Variants in SEMA5B observed in about 807,000 individuals in gnomAD.
SEMA5B encodes the protein semaphorin-5B.
In SEMA5B, 66 loss-of-function variants were observed where a neutral mutation model predicts 135.0. The observed-to-expected ratio is 0.49, with a 90% CI of 0.40 to 0.60. The LOEUF (loss-of-function observed/expected upper bound fraction) is 0.60, where lower values mean the gene tolerates loss of function less well. Among genes scored for constraint, SEMA5B ranks in the 20% least tolerant of loss-of-function variants. The pLI is 0.00. For synonymous variants in SEMA5B, 690 were observed against 639.5 expected, an observed-to-expected ratio of 1.08 and a Z score of -1.19; for missense variants, 1,501 against 1,566.3, an observed-to-expected ratio of 0.96 and a Z score of 0.70.
intron 1 of SEMA5B, among the ~76,000 whole-genome samples, chr3:123,018,508 C>T (rs984011798): frequency 6.6e-6 from 1 of 152,224 alleles, no homozygotes; most frequent in East Asian, 1.9e-4. Flanking sequence ...TGGGCAGGGT[C>T]CCCTCTCAAA....
At chr3:122,994,419 C>T (rs890751231) in intron 1 of SEMA5B, among the ~76,000 whole-genome samples, 7 of 152,164 alleles carry the variant, frequency 4.6e-5, no homozygotes, top group African/African-American at 9.7e-5. Context: ...TGGTTCTCAA[C>T]GAGTACAAAA....
intron 1 of SEMA5B, among the ~76,000 whole-genome samples, chr3:122,985,483 G>T (rs1241654083): frequency 6.6e-6 from 1 of 151,444 alleles, no homozygotes; most frequent in Non-Finnish European, 1.5e-5. Context: ...CAGCCTGGGT[G>T]ATACAGTGTC....
At chr3:122,998,283 C>T (rs534595302) in intron 1 of SEMA5B, among the ~76,000 whole-genome samples, 1 of 152,276 alleles carries the variant, frequency 6.6e-6, no homozygotes, top group South Asian at 2.1e-4. Context: ...CTCACAGCAG[C>T]CCGCAGAGGT....
intron 22 of SEMA5B, 61 bp from the exon 23 acceptor site, chr3:122,910,362 G>C (rs1217974647): frequency 1.9e-6 from 3 of 1,570,524 alleles, no homozygotes; most frequent in Non-Finnish European, 2.6e-6. Context: ...AAGGGAACAG[G>C]CCAGAGCAAG....
chr3:122,990,304 C>T (rs144204552), intron 1 of SEMA5B, among the ~76,000 whole-genome samples: 2 of 152,004 alleles, frequency 1.3e-5, no homozygotes, highest in Non-Finnish European at 2.9e-5. Context: ...GAAAGAAGGG[C>T]GATACCTTTT....
chr3:122,987,222 A>G (rs1941730728), intron 1 of SEMA5B, among the ~76,000 whole-genome samples: 1 of 152,126 alleles, frequency 6.6e-6, no homozygotes, highest in South Asian at 2.1e-4. Flanking sequence ...GGGAAGGGAA[A>G]AATGCAGGTG....
chr3:122,973,974 C>T (rs1576381248), intron 1 of SEMA5B, among the ~76,000 whole-genome samples: 2 of 152,320 alleles, frequency 1.3e-5, no homozygotes, highest in Middle Eastern at 6.8e-3. Context: ...TGTTCCAGCT[C>T]AGCAGGGCAC....
intron 5 of SEMA5B, among the ~76,000 whole-genome samples, chr3:122,931,483 C>T (rs1443996614): frequency 6.6e-6 from 1 of 152,092 alleles, no homozygotes. Flanking sequence ...TGCTGCCAAT[C>T]AAATGCTCTT....
intron 1 of SEMA5B, among the ~76,000 whole-genome samples, chr3:122,993,749 C>A (rs930725665): frequency 6.6e-6 from 1 of 151,796 alleles, no homozygotes; most frequent in African/African-American, 2.4e-5. Context: ...CCCTTGCCAC[C>A]CGCTCTGGGA....
chr3:122,961,025 G>C lies in SEMA5B; in HGVS notation c.124+115C>G. 5 of 1,083,810 alleles carry C rather than the reference G, an allele frequency of 4.6e-6. No individual in the cohort carries two copies. In the South Asian group the frequency reaches 8.8e-5, roughly 19 times the overall value. 67.1% of individuals were successfully genotyped at this position (1,083,810 alleles called of 1,614,324 possible). A position where few individuals can be genotyped will look rare whatever the true frequency, so the allele number is the denominator to read the frequency against. On this transcript the variant is annotated intron_variant, in intron 2 of 22. Transcript: ENST00000357599. ...AAAGGAAGAGCTGCTCAAATACAGT[G>C]GACTGAGGTCCTAGGAGGTATGCTG...
chr3:122,984,311 G>T (rs1191383151), intron 1 of SEMA5B, among the ~76,000 whole-genome samples: 1 of 152,208 alleles, frequency 6.6e-6, no homozygotes, highest in African/African-American at 2.4e-5. Context: ...TAATGAAGAA[G>T]CCTGGCAAAG....
At chr3:122,927,279 T>C (rs1938689084) in intron 8 of SEMA5B, among the ~76,000 whole-genome samples, 1 of 152,190 alleles carries the variant, frequency 6.6e-6, no homozygotes, top group South Asian at 2.1e-4. Flanking sequence ...CTCAAACTCC[T>C]AGGCTCAGGG....
intron 4 of SEMA5B, among the ~76,000 whole-genome samples, chr3:122,941,088 G>A (rs1268608457): frequency 1.3e-5 from 2 of 152,166 alleles, no homozygotes; most frequent in African/African-American, 2.4e-5. Flanking sequence ...GAACAAGGGA[G>A]GGTTATAAAT....
At chr3:122,948,397 T>C (rs997093527) in intron 3 of SEMA5B, 109 bp downstream of exon 3, 1 of 913,868 alleles carries the variant, frequency 1.1e-6, no homozygotes, top group Non-Finnish European at 1.6e-6. Context: ...CAGCAGTTAA[T>C]GAACATCCCA....
chr3:122,936,243 A>G (rs1390534453), intron 5 of SEMA5B, among the ~76,000 whole-genome samples: 1 of 152,202 alleles, frequency 6.6e-6, no homozygotes, highest in East Asian at 1.9e-4. Context: ...GAGAGGAAGC[A>G]GGCGACACCC....
chr3:123,006,270 G>A (rs185321858), intron 1 of SEMA5B, among the ~76,000 whole-genome samples: 6 of 152,338 alleles, frequency 3.9e-5, no homozygotes, highest in East Asian at 1.9e-4. Context: ...CAGGATGGGA[G>A]TAACTGACAA....
In SEMA5B at chr3:122,913,263, G is replaced by A. The variant is rs763134753; in HGVS notation, c.2442C>T (p.Phe814=). The change falls in exon 17 of 23, where the codon TTC becomes TTT. Residue 814 remains phenylalanine, a synonymous_variant. Transcript: ENST00000357599. ...TCCTCGTCTCGGTCCTTCTCCTGCC[G>A]AACTGCAGGCCGTGCGGGTCTGCAA... ...APLADPHGLQ[F]GRRRTETRTC... 4 of 1,585,132 alleles carry A rather than the reference G, an allele frequency of 2.5e-6. No homozygotes were observed. In the Middle Eastern group the frequency reaches 5.0e-4, roughly 197 times the overall value.
intron 1 of SEMA5B, among the ~76,000 whole-genome samples, chr3:123,003,617 G>C (rs1051455459): frequency 6.6e-6 from 1 of 152,038 alleles, no homozygotes; most frequent in Non-Finnish European, 1.5e-5. Context: ...GGCGAATCAC[G>C]AGGTCAGGAG....
chr3:122,966,563 A>ATTT (rs763448433), intron 1 of SEMA5B, among the ~76,000 whole-genome samples: 1 of 115,074 alleles, frequency 8.7e-6, no homozygotes, highest in African/African-American at 4.0e-5. Context: ...TATTATTATT[A>ATTT]TTATTTTTTG....
Sources: gnomAD v4.1 joint callset for allele counts (sites outside exome capture counted in the v4.1 genomes callset) on GRCh38, gnomAD v4.1.1 for gene constraint, MANE v1.5 for transcripts, NCBI Gene and HGNC (gene_info 2026-07-23, HGNC 2026-07-21) for gene names.